VPS45: variants seen among roughly 807,000 people sequenced by gnomAD.
VPS45 encodes vacuolar protein sorting-associated protein 45.
VPS45 carries 35 observed loss-of-function variants against 75.9 expected under a neutral mutation model. The observed-to-expected ratio is 0.46, with a 90% CI of 0.35 to 0.61. The LOEUF is 0.61. Ranked by LOEUF, VPS45 falls within the 20% of genes least tolerant of loss-of-function variation. The pLI is 0.00. For missense variants in VPS45, 559 were observed against 685.9 expected (o/e 0.81, Z 2.07); for synonymous variants, 220 against 238.2 (o/e 0.92, Z 0.70).
intron 2 of VPS45, among the ~76,000 whole-genome samples, chr1:150,070,553 G>C (rs1330739843): frequency 6.6e-6 from 1 of 151,818 alleles, no homozygotes; most frequent in African/African-American, 2.4e-5. Flanking sequence ...AGCACTTTGG[G>C]AGGCCAAGGC....
chr1:150,142,882 G>T, intron 14 of VPS45: 1 of 449,524 alleles, frequency 2.2e-6, no homozygotes, highest in African/African-American at 2.0e-5. Context: ...CGAACTCCTG[G>T]GCTCAAGCGA....
chr1:150,082,296 C>G (rs781784914), intron 9 of VPS45, among the ~76,000 whole-genome samples: 3 of 152,076 alleles, frequency 2.0e-5, no homozygotes, highest in Non-Finnish European at 4.4e-5. Context: ...CACCTGAGGT[C>G]GGGAGTTCAA....
intron 14 of VPS45, among the ~76,000 whole-genome samples, chr1:150,131,959 T>C (rs1365287820): frequency 1.3e-5 from 2 of 152,090 alleles, no homozygotes; most frequent in East Asian, 3.8e-4. Context: ...AGTGTGAAGC[T>C]TAAAGAAGAG....
At chr1:150,129,553 A>ATTTTTT in intron 14 of VPS45, among the ~76,000 whole-genome samples, 1 of 151,756 alleles carries the variant, frequency 6.6e-6, no homozygotes, top group African/African-American at 2.4e-5. Flanking sequence ...ATTTTTTTTA[A>ATTTTTT]TTTTATTTAT....
chr1:150,122,631 C>A (rs1293735498), intron 14 of VPS45, among the ~76,000 whole-genome samples: 9 of 151,912 alleles, frequency 5.9e-5, no homozygotes. Context: ...ACAAGTCACC[C>A]ATTTGAAGTG....
chr1:150,072,821 G>A, intron 3 of VPS45, among the ~76,000 whole-genome samples: 1 of 150,420 alleles, frequency 6.6e-6, no homozygotes, highest in Non-Finnish European at 1.5e-5. Context: ...TCTCACCCCT[G>A]CCAAAAAAAA....
intron 14 of VPS45, among the ~76,000 whole-genome samples, chr1:150,142,402 T>G (rs1281701442): frequency 6.6e-6 from 1 of 152,228 alleles, no homozygotes; most frequent in African/African-American, 2.4e-5. Context: ...CTAGTCCAAC[T>G]GGCCAAAAAG....
At chr1:150,114,618 AGGCATGGT>A (rs1657827190) in intron 14 of VPS45, among the ~76,000 whole-genome samples, 1 of 148,834 alleles carries the variant, frequency 6.7e-6, no homozygotes, top group Non-Finnish European at 1.5e-5. Context: ...GGCATGGACT[AGGCATGGT>A]GGCTCACACC....
At chr1:150,123,670 T>C (rs74124306) in intron 14 of VPS45, among the ~76,000 whole-genome samples, 6,119 of 152,250 alleles carry the variant, frequency 0.04, 333 homozygotes, top group African/African-American at 0.13. Flanking sequence ...CTGCCAGCAG[T>C]AATTGACACC....
intron 14 of VPS45, among the ~76,000 whole-genome samples, chr1:150,136,090 A>C (rs1336140839): frequency 6.7e-6 from 1 of 150,242 alleles, no homozygotes; most frequent in Non-Finnish European, 1.5e-5. Flanking sequence ...CTCTACTAAA[A>C]ATACAAAAAT....
At chr1:150,070,104 G>C (rs1381211967) in intron 2 of VPS45, among the ~76,000 whole-genome samples, 1 of 152,076 alleles carries the variant, frequency 6.6e-6, no homozygotes, top group East Asian at 1.9e-4. Context: ...ACTTCTTCAA[G>C]TAACCCTTCA....
intron 13 of VPS45, among the ~76,000 whole-genome samples, chr1:150,097,664 A>G (rs1199779069): frequency 6.6e-6 from 1 of 151,864 alleles, no homozygotes; most frequent in Non-Finnish European, 1.5e-5. Flanking sequence ...GGTTGCAGTG[A>G]GCCGAGATTA....
At chr1:150,111,863 A>G (rs1553807238) in intron 14 of VPS45, among the ~76,000 whole-genome samples, 1 of 152,008 alleles carries the variant, frequency 6.6e-6, no homozygotes, top group Non-Finnish European at 1.5e-5. Flanking sequence ...CGTTTGTATG[A>G]GTGTGTGGGC....
At chr1:150,089,396 T>C (rs782297997) in intron 10 of VPS45, among the ~76,000 whole-genome samples, 1 of 152,084 alleles carries the variant, frequency 6.6e-6, no homozygotes, top group Non-Finnish European at 1.5e-5. Context: ...TTTCACTCTG[T>C]CGCCCAGGCT....
intron 13 of VPS45, among the ~76,000 whole-genome samples, chr1:150,108,406 T>TATTTA (rs1553806403): frequency 6.6e-6 from 1 of 152,224 alleles, no homozygotes; most frequent in African/African-American, 2.4e-5. Context: ...GGGAATTAAA[T>TATTTA]ATTTAATTTT....
chr1:150,138,435 C>T (rs1241813756), intron 14 of VPS45, among the ~76,000 whole-genome samples: 2 of 152,150 alleles, frequency 1.3e-5, no homozygotes, highest in East Asian at 3.9e-4. Context: ...ACTTGGCCAC[C>T]TCATTCAGTC....
intron 3 of VPS45, among the ~76,000 whole-genome samples, chr1:150,075,461 A>G (rs1199223401): frequency 6.6e-6 from 1 of 152,154 alleles, no homozygotes; most frequent in Non-Finnish European, 1.5e-5. Flanking sequence ...AGAATACTTT[A>G]TAGGTGGTAT....
intron 14 of VPS45, among the ~76,000 whole-genome samples, chr1:150,131,925 G>T (rs1553812483): frequency 6.6e-6 from 1 of 152,150 alleles, no homozygotes; most frequent in African/African-American, 2.4e-5. Flanking sequence ...CAGATGCAGA[G>T]AAAGAAGGAA....
intron 14 of VPS45, among the ~76,000 whole-genome samples, chr1:150,115,769 TC>T (rs1216561674): frequency 4.6e-5 from 7 of 152,210 alleles, no homozygotes; most frequent in African/African-American, 1.7e-4. Context: ...ATTTTTTTAG[TC>T]CACTTTTTCA....
Sources: allele counts gnomAD v4.1 joint callset (sites outside exome capture counted in the v4.1 genomes callset), GRCh38; gene constraint gnomAD v4.1.1; transcripts MANE v1.5; gene names NCBI Gene and HGNC (gene_info 2026-07-23, HGNC 2026-07-21).